GRM1: variants seen among roughly 807,000 people sequenced by gnomAD.
GRM1 encodes the protein metabotropic glutamate receptor 1.
In GRM1, 33 loss-of-function variants were observed where a neutral mutation model predicts 90.9. That is an observed-to-expected ratio of 0.36 (90% CI 0.28 to 0.49). The LOEUF (loss-of-function observed/expected upper bound fraction) is 0.49, where lower values mean the gene tolerates loss of function less well. Among genes scored for constraint, GRM1 ranks in the 20% least tolerant of loss-of-function variants. The pLI is 0.99. For missense variants in GRM1, 1,190 were observed against 1,534.3 expected, an observed-to-expected ratio of 0.78 and a Z score of 3.75; for synonymous variants, 700 against 613.2, an observed-to-expected ratio of 1.14 and a Z score of -2.09.
intron 7 of GRM1, among the ~76,000 whole-genome samples, chr6:146,424,122 T>C (rs777125230): frequency 2.6e-5 from 4 of 152,154 alleles, no homozygotes; most frequent in Non-Finnish European, 5.9e-5. Flanking sequence ...CCTCAGCCCA[T>C]ATTAGACAGG....
intron 3 of GRM1, among the ~76,000 whole-genome samples, chr6:146,336,868 A>G (rs1784788045): frequency 6.6e-6 from 1 of 152,186 alleles, no homozygotes; most frequent in Non-Finnish European, 1.5e-5. Context: ...TGTTCTGAAT[A>G]ATGCTTTTCC....
At chr6:146,287,824 T>C (rs1782820865) in intron 2 of GRM1, among the ~76,000 whole-genome samples, 1 of 152,120 alleles carries the variant, frequency 6.6e-6, no homozygotes, top group African/African-American at 2.4e-5. Flanking sequence ...AATTTGGAAA[T>C]GATGAGGGGG....
chr6:146,101,914 CTGAG>C (rs758940912), intron 1 of GRM1, among the ~76,000 whole-genome samples: 2 of 151,394 alleles, frequency 1.3e-5, no homozygotes, highest in African/African-American at 4.8e-5. Context: ...TACCAACTTA[CTGAG>C]TATCTTTTGT....
intron 7 of GRM1, among the ~76,000 whole-genome samples, chr6:146,409,284 A>G (rs1777474149): frequency 6.6e-6 from 1 of 152,216 alleles, no homozygotes; most frequent in South Asian, 2.1e-4. Context: ...TTCACATGTT[A>G]TTATAGGTCC....
At chr6:146,272,562 G>A (rs1782204948) in intron 2 of GRM1, among the ~76,000 whole-genome samples, 1 of 152,138 alleles carries the variant, frequency 6.6e-6, no homozygotes, top group Non-Finnish European at 1.5e-5. Flanking sequence ...AAATATCTAT[G>A]ATCAATACAG....
chr6:146,117,471 G>T (rs1456726013), intron 1 of GRM1, among the ~76,000 whole-genome samples: 2 of 151,730 alleles, frequency 1.3e-5, no homozygotes, highest in African/African-American at 4.8e-5. Context: ...GCATATAGCT[G>T]GATGTTTGTT....
In GRM1 at chr6:146,304,843, A is replaced by C; in HGVS notation, c.1183A>C (p.Thr395Pro). The change falls in exon 3 of 8, where the codon ACA (threonine) becomes CCA (proline). Residue 395 changes from threonine to proline, a missense_variant. This residue lies in a region of GRM1 where 414 missense variants were observed against 598.4 expected (regional missense o/e 0.69). Coordinates refer to ENST00000282753, the MANE Select transcript of GRM1 (RefSeq NM_001278064.2). ...LENPNFKRIC[T>P]GNESLEENYV... ...AAATCCCAACTTTAAACGAATCTGC[A>C]CAGGTAACTCATGTTCACAAAATAA... is the stretch of plus-strand genomic sequence containing the variant. 6.3e-7 allele frequency: 1 copy of C among 1,593,664 alleles called. No individual in the cohort carries two copies. Among genetic ancestry groups the C allele is most frequent in the African/African-American group, 1.3e-5 (1 of 74,614 alleles).
intron 2 of GRM1, among the ~76,000 whole-genome samples, chr6:146,270,969 T>C (rs1318630686): frequency 6.4e-5 from 9 of 140,138 alleles, no homozygotes; most frequent in South Asian, 2.2e-4. Context: ...TTCTTTCTTT[T>C]TTTTTTCTCT....
Position 146,146,366 on chromosome 6 carries a change from C to T in GRM1, c.701-12982C>T, listed in dbSNP as rs150417282. ...CCTCCCAAAGTGCTGGGATTACAGGCGTGAGCCACCGTGCCCGGCCTACTA... is the reference window on the plus strand; with the variant it reads ...CCTCCCAAAGTGCTGGGATTACAGGTGTGAGCCACCGTGCCCGGCCTACTA... On this transcript the variant is annotated intron_variant, in intron 1 of 7. Coordinates refer to ENST00000282753, the MANE Select transcript of GRM1 (RefSeq NM_001278064.2). 2.0e-5 allele frequency among the ~76,000 whole-genome samples: 3 copies of T among 151,886 alleles called. No individual in the cohort carries two copies. In the East Asian group the frequency reaches 5.8e-4, roughly 30 times the overall value.
rs917903839 is a variant in GRM1 at position 146,080,079 on chromosome 6, T to C, written c.700+49862T>C. On this transcript the variant is annotated intron_variant, in intron 1 of 7. Transcript: ENST00000282753. ...ACCAATAAAGTAGGTAAGTGTGAGA[T>C]TTTGGTGGCCGAAGGACTCGGAGCA... Among the ~76,000 whole-genome samples, 9 of 152,156 alleles carry C rather than the reference T, an allele frequency of 5.9e-5. No individual in the cohort carries two copies. In the South Asian group the frequency reaches 1.2e-3, roughly 21 times the overall value.
At chr6:146,245,160 T>C (rs1295190973) in intron 2 of GRM1, among the ~76,000 whole-genome samples, 2 of 152,170 alleles carry the variant, frequency 1.3e-5, no homozygotes, top group African/African-American at 4.8e-5. Context: ...AAAATATAAA[T>C]TTAATTGTAT....
At position 146,109,802 on chromosome 6, in the gene GRM1, C is replaced by T. The variant is rs150208152; in HGVS notation, c.701-49546C>T. ...GGAGCTGCCCAAGACCATGGGAACC[C>T]CTGTCATGCATCAGCGTGATCTGGA... On this transcript the variant is annotated intron_variant, in intron 1 of 7. Coordinates refer to ENST00000282753, the MANE Select transcript of GRM1 (RefSeq NM_001278064.2). Among the ~76,000 whole-genome samples, 4 of 152,334 alleles carry T rather than the reference C, an allele frequency of 2.6e-5. No individual in the cohort carries two copies. The East Asian group carries it at 7.7e-4, about 29-fold the overall frequency.
intron 3 of GRM1, among the ~76,000 whole-genome samples, chr6:146,330,364 C>T (rs7758197): frequency 2.0e-5 from 3 of 152,034 alleles, no homozygotes; most frequent in Non-Finnish European, 4.4e-5. Context: ...TGAGTTTTTA[C>T]TAGGGAAACA....
intron 1 of GRM1, among the ~76,000 whole-genome samples, chr6:146,106,464 T>C (rs1217260366): frequency 6.6e-6 from 1 of 151,980 alleles, no homozygotes; most frequent in Admixed American, 6.6e-5. Context: ...GCCTTCAGAG[T>C]TTATTTACAG....
At chr6:146,115,443 A>G (rs1264315918) in intron 1 of GRM1, among the ~76,000 whole-genome samples, 1 of 152,120 alleles carries the variant, frequency 6.6e-6, no homozygotes, top group East Asian at 1.9e-4. Context: ...ATAGTATGCT[A>G]TGCACTACCA....
At chr6:146,145,882 C>G (rs1007974369) in intron 1 of GRM1, among the ~76,000 whole-genome samples, 5 of 152,008 alleles carry the variant, frequency 3.3e-5, no homozygotes, top group African/African-American at 1.2e-4. Flanking sequence ...CCCAGTCAAA[C>G]CATAGGGGCA....
intron 2 of GRM1, among the ~76,000 whole-genome samples, chr6:146,177,728 T>A (rs561893146): frequency 6.6e-6 from 1 of 152,190 alleles, no homozygotes; most frequent in Non-Finnish European, 1.5e-5. Flanking sequence ...GACCATTTCT[T>A]GTCTCTGCCT....
At chr6:146,322,719 A>G (rs561849764) in intron 3 of GRM1, among the ~76,000 whole-genome samples, 1 of 152,086 alleles carries the variant, frequency 6.6e-6, no homozygotes, top group Non-Finnish European at 1.5e-5. Flanking sequence ...ATCATTTAGC[A>G]TTAGGTATAT....
At chr6:146,430,472 TGC>T (rs1778367965) in intron 7 of GRM1, among the ~76,000 whole-genome samples, 1 of 152,230 alleles carries the variant, frequency 6.6e-6, no homozygotes, top group Non-Finnish European at 1.5e-5. Context: ...AAGGTTCAGG[TGC>T]TTTGTAACAA....
Sources: allele counts gnomAD v4.1 joint callset (sites outside exome capture counted in the v4.1 genomes callset), GRCh38; gene constraint gnomAD v4.1.1; regional missense constraint gnomAD v4.1.1; transcripts MANE v1.5; gene names NCBI Gene and HGNC (gene_info 2026-07-23, HGNC 2026-07-21).